MCHR2: variants seen among roughly 807,000 people sequenced by gnomAD.
MCHR2 encodes melanin concentrating hormone receptor 2, also known as melanin-concentrating hormone receptor 2.
A neutral mutation model predicts 24.8 loss-of-function variants in MCHR2; 15 were observed. The ratio of observed to expected loss-of-function variants is 0.60; its 90% confidence interval spans 0.40 to 0.93. The LOEUF (loss-of-function observed/expected upper bound fraction) is 0.93. MCHR2 is among the 40% of genes least tolerant of loss of function. The pLI, the probability that MCHR2 is intolerant of heterozygous loss-of-function variation, is 0.00. For synonymous variants in MCHR2, 151 were observed against 147.6 expected, an observed-to-expected ratio of 1.02 and a Z score of -0.17; for missense variants, 386 against 408.7, an observed-to-expected ratio of 0.94 and a Z score of 0.48.
intron 1 of MCHR2, among the ~76,000 whole-genome samples, chr6:99,987,902 C>T (rs6936483): frequency 9.9e-5 from 15 of 152,042 alleles, no homozygotes; most frequent in African/African-American, 3.6e-4. Context: ...GAAAAGGAAA[C>T]AAGAGACTAA....
chr6:99,977,549 A>G (rs1176774781), intron 1 of MCHR2, among the ~76,000 whole-genome samples: 2 of 152,204 alleles, frequency 1.3e-5, no homozygotes, highest in Non-Finnish European at 2.9e-5. Context: ...CTGCAAAGAA[A>G]AAAAAGTCAT....
intron 2 of MCHR2, among the ~76,000 whole-genome samples, chr6:99,949,382 G>A (rs982507156): frequency 7.9e-5 from 12 of 152,252 alleles, no homozygotes; most frequent in African/African-American, 2.9e-4. Context: ...CAGGTTTATT[G>A]GCAGATGTGG....
intron 1 of MCHR2, among the ~76,000 whole-genome samples, chr6:99,958,695 C>T (rs1232415589): frequency 6.6e-6 from 1 of 152,134 alleles, no homozygotes; most frequent in Non-Finnish European, 1.5e-5. Context: ...GCATCCAAGG[C>T]AAATGGGAAG....
chr6:99,957,098 A>G (rs559560291), intron 1 of MCHR2, among the ~76,000 whole-genome samples: 5 of 152,238 alleles, frequency 3.3e-5, no homozygotes, highest in African/African-American at 1.2e-4. Context: ...TGAAGCACCA[A>G]TGCTATCTTG....
chr6:99,967,224 T>G (rs1034736174), intron 1 of MCHR2, among the ~76,000 whole-genome samples: 2 of 152,058 alleles, frequency 1.3e-5, no homozygotes, highest in African/African-American at 4.8e-5. Flanking sequence ...AGTGTCAGTT[T>G]AATGTATTCT....
chr6:99,973,091 G>A (rs374035049), intron 1 of MCHR2, among the ~76,000 whole-genome samples: 2 of 151,970 alleles, frequency 1.3e-5, no homozygotes, highest in Non-Finnish European at 2.9e-5. Context: ...GCTTGGTGCA[G>A]AGCTGAGTTC....
At chr6:99,929,325 G>A (rs1774447928) in intron 5 of MCHR2, among the ~76,000 whole-genome samples, 1 of 151,746 alleles carries the variant, frequency 6.6e-6, no homozygotes, top group African/African-American at 2.4e-5. Context: ...TTGATTTGGG[G>A]TGGAGAGTTC....
chr6:99,975,613 T>C (rs1421567106), intron 1 of MCHR2, among the ~76,000 whole-genome samples: 1 of 152,222 alleles, frequency 6.6e-6, no homozygotes, highest in Non-Finnish European at 1.5e-5. Flanking sequence ...CCTAGTGAGA[T>C]GAACCCGGTG....
At chr6:99,928,233 G>C (rs1306334641) in intron 5 of MCHR2, among the ~76,000 whole-genome samples, 1 of 152,170 alleles carries the variant, frequency 6.6e-6, no homozygotes, top group Non-Finnish European at 1.5e-5. Context: ...GCTGAATTCA[G>C]TTTGCTGGTA....
intron 2 of MCHR2, among the ~76,000 whole-genome samples, chr6:99,955,511 T>C (rs893794763): frequency 2.0e-5 from 3 of 152,164 alleles, no homozygotes; most frequent in African/African-American, 7.2e-5. Flanking sequence ...TAAAAGAATC[T>C]CTTTCACCTG....
At chr6:99,957,344 A>G (rs1775084085) in intron 1 of MCHR2, among the ~76,000 whole-genome samples, 3 of 152,148 alleles carry the variant, frequency 2.0e-5, no homozygotes. Context: ...GTAGATTTTT[A>G]GTTTAATATT....
At chr6:99,945,619 A>G (rs1774859695) in intron 3 of MCHR2, among the ~76,000 whole-genome samples, 1 of 152,198 alleles carries the variant, frequency 6.6e-6, no homozygotes, top group African/African-American at 2.4e-5. Flanking sequence ...TTTAGTTATG[A>G]TCTTACAAAG....
chr6:99,930,944 C>T (rs1480851160), intron 5 of MCHR2, among the ~76,000 whole-genome samples: 4 of 152,274 alleles, frequency 2.6e-5, no homozygotes, highest in South Asian at 2.1e-4. Flanking sequence ...AGTTTTTCTG[C>T]TCTGTTTTTT....
In MCHR2 at chr6:99,920,746, T is replaced by G. The variant is rs1484179729; in HGVS notation, c.*194A>C. 8.1e-5 allele frequency: 48 copies of G among 595,388 alleles called. 1 individual carries two copies. In the East Asian group the frequency reaches 1.4e-3, roughly 17 times the overall value. 36.9% of individuals were successfully genotyped at this position (595,388 alleles called of 1,614,324 possible). ...TCCCATTCCCTACCCACAATATAGA[T>G]CAACATTTTACATCTTGCTAAAGTT... On this transcript the variant is annotated 3_prime_UTR_variant, in exon 6 of 6. Transcript: ENST00000281806.
intron 1 of MCHR2, among the ~76,000 whole-genome samples, chr6:99,991,926 G>T (rs746738809): frequency 2.6e-5 from 4 of 152,132 alleles, no homozygotes; most frequent in Non-Finnish European, 4.4e-5. Flanking sequence ...CATGAAGAAG[G>T]TTCTTCTTCT....
At position 99,925,560 on chromosome 6, in the gene MCHR2, C is replaced by T. The variant is rs963651199; in HGVS notation, c.708-4305G>A. ...TATTGCTTTTTATTTTTTGTTTATCCATTGTATGTTTTCTGATTTGAGGTT... is the reference window on the plus strand; with the variant it reads ...TATTGCTTTTTATTTTTTGTTTATCTATTGTATGTTTTCTGATTTGAGGTT... On this transcript the variant is annotated intron_variant, in intron 5 of 5. Transcript: ENST00000281806. 4.0e-5 allele frequency among the ~76,000 whole-genome samples: 6 copies of T among 151,038 alleles called. 1 individual carries two copies. The Middle Eastern group carries it at 0.021, about 517-fold the overall frequency.
At chr6:99,970,877 T>C (rs1054608221) in intron 1 of MCHR2, among the ~76,000 whole-genome samples, 1 of 152,196 alleles carries the variant, frequency 6.6e-6, no homozygotes, top group African/African-American at 2.4e-5. Context: ...GTTGTAGATA[T>C]GCGGCATTAT....
rs754691716 is a variant in MCHR2, at chr6:99,920,889, A to G, written c.*51T>C. ...CGGTACACCTGCCCTTTCTGATAAT[A>G]CCAGTAAGATAGACAATCATGTCTA... On this transcript the variant is annotated 3_prime_UTR_variant, in exon 6 of 6. Transcript: ENST00000281806. 1.3e-6 allele frequency: 2 copies of G among 1,554,136 alleles called. No homozygotes were observed. Among genetic ancestry groups the G allele is most frequent in the African/African-American group, 1.4e-5 (1 of 73,586 alleles).
intron 1 of MCHR2, among the ~76,000 whole-genome samples, chr6:99,987,745 A>G (rs755662012): frequency 6.6e-6 from 1 of 152,214 alleles, no homozygotes; most frequent in Non-Finnish European, 1.5e-5. Flanking sequence ...AAAAAACAAT[A>G]AAAATTGAAA....
Sources: allele counts gnomAD v4.1 joint callset (sites outside exome capture counted in the v4.1 genomes callset), GRCh38; gene constraint gnomAD v4.1.1; transcripts MANE v1.5; gene names NCBI Gene and HGNC (gene_info 2026-07-23, HGNC 2026-07-21).